CSMD1: variants seen among roughly 807,000 people sequenced by gnomAD.
The protein encoded by CSMD1 is CUB and Sushi multiple domains 1, also known as CUB and sushi domain-containing protein 1.
A neutral mutation model predicts 417.5 loss-of-function variants in CSMD1; 213 were observed. The ratio of observed to expected loss-of-function variants is 0.51; its 90% confidence interval spans 0.46 to 0.57. The LOEUF (loss-of-function observed/expected upper bound fraction) is 0.57. CSMD1 is among the 20% of genes least tolerant of loss of function. The pLI, the probability that CSMD1 is intolerant of heterozygous loss-of-function variation, is 0.00. For synonymous variants in CSMD1, 2,862 were observed against 1,736.8 expected (o/e 1.65, Z -16.11); for missense variants, 6,923 against 4,529.7 (o/e 1.53, Z -15.17).
intron 3 of CSMD1, among the ~76,000 whole-genome samples, chr8:4,410,393 T>C (rs1441399969): frequency 1.3e-5 from 2 of 152,200 alleles, no homozygotes; most frequent in South Asian, 2.1e-4. Context: ...CTTATCCACA[T>C]GTAAATATTT....
intron 5 of CSMD1, among the ~76,000 whole-genome samples, chr8:3,937,568 G>A (rs928292588): frequency 2.0e-4 from 31 of 152,238 alleles, no homozygotes; most frequent in African/African-American, 7.0e-4. Flanking sequence ...ACAGAATGCA[G>A]TGTCATGTAA....
chr8:4,923,442 T>G (rs1407975865), intron 1 of CSMD1, among the ~76,000 whole-genome samples: 1 of 152,234 alleles, frequency 6.6e-6, no homozygotes, highest in East Asian at 1.9e-4. Context: ...ACATTCTCCA[T>G]GGTGTGCTTA....
chr8:4,434,271 C>T (rs1585068294), intron 2 of CSMD1, among the ~76,000 whole-genome samples: 3 of 152,130 alleles, frequency 2.0e-5, no homozygotes, highest in East Asian at 1.9e-4. Context: ...GAGGCTGAGG[C>T]AAGAGAATTG....
At chr8:4,588,579 G>T (rs183445226) in intron 2 of CSMD1, among the ~76,000 whole-genome samples, 1 of 151,898 alleles carries the variant, frequency 6.6e-6, no homozygotes, top group African/African-American at 2.4e-5. Context: ...CGGATCAGCA[G>T]ATCGAGACCA....
At chr8:3,885,787 G>A (rs1442485562) in intron 5 of CSMD1, among the ~76,000 whole-genome samples, 4 of 152,122 alleles carry the variant, frequency 2.6e-5, no homozygotes, top group Admixed American at 1.3e-4. Context: ...ATGACAGAAA[G>A]CTGACTTTCT....
chr8:3,910,243 A>G (rs188246699), intron 5 of CSMD1, among the ~76,000 whole-genome samples: 3 of 152,208 alleles, frequency 2.0e-5, no homozygotes, highest in African/African-American at 7.2e-5. Context: ...GGTGGGGAGG[A>G]AAATATGTCA....
At chr8:3,550,448 G>C (rs941120721) in intron 10 of CSMD1, among the ~76,000 whole-genome samples, 1 of 152,164 alleles carries the variant, frequency 6.6e-6, no homozygotes, top group Non-Finnish European at 1.5e-5. Flanking sequence ...TCTTTTAAAA[G>C]TTTTTTAATT....
At chr8:4,517,944 A>G (rs1251535729) in intron 2 of CSMD1, among the ~76,000 whole-genome samples, 1 of 152,172 alleles carries the variant, frequency 6.6e-6, no homozygotes, top group Non-Finnish European at 1.5e-5. Flanking sequence ...TGTTTTAATG[A>G]ATTTCAGGTA....
intron 2 of CSMD1, among the ~76,000 whole-genome samples, chr8:4,545,017 G>T (rs546712785): frequency 6.6e-6 from 1 of 152,106 alleles, no homozygotes; most frequent in Non-Finnish European, 1.5e-5. Context: ...TATCACGCAC[G>T]TATCTGAATG....
intron 15 of CSMD1, 144 bp downstream of exon 15, chr8:3,405,883 T>C (rs575334712): frequency 8.7e-5 from 62 of 713,684 alleles, no homozygotes; most frequent in Non-Finnish European, 1.2e-4. Flanking sequence ...TGGGAGACTG[T>C]ACACTCCTGT....
chr8:3,803,727 T>G (rs906972790), intron 5 of CSMD1, among the ~76,000 whole-genome samples: 1 of 152,166 alleles, frequency 6.6e-6, no homozygotes, highest in Non-Finnish European at 1.5e-5. Context: ...AACTTCAGAT[T>G]GGAAGCCAGT....
chr8:2,973,663 GGA>G (rs765245282), intron 56 of CSMD1, among the ~76,000 whole-genome samples: 7 of 136,960 alleles, frequency 5.1e-5, no homozygotes, highest in South Asian at 2.3e-4. Context: ...GGGAATGTGG[GGA>G]AAAAAAAAAA....
chr8:3,131,577 T>C (rs1817796745), intron 41 of CSMD1, among the ~76,000 whole-genome samples: 1 of 151,624 alleles, frequency 6.6e-6, no homozygotes, highest in African/African-American at 2.4e-5. Context: ...GTTCAAGCAA[T>C]TCTCCTGCCT....
At chr8:3,231,387 G>A (rs537237086) in intron 26 of CSMD1, among the ~76,000 whole-genome samples, 1 of 152,220 alleles carries the variant, frequency 6.6e-6, no homozygotes, top group African/African-American at 2.4e-5. Flanking sequence ...AAAGAGATTA[G>A]TGTATTGTTC....
intron 2 of CSMD1, among the ~76,000 whole-genome samples, chr8:4,587,101 A>G (rs1799739350): frequency 6.6e-6 from 1 of 152,164 alleles, no homozygotes; most frequent in Non-Finnish European, 1.5e-5. Flanking sequence ...ACAATATCCT[A>G]CAGAGGCCAA....
At chr8:3,760,402 C>G (rs984988962) in intron 5 of CSMD1, among the ~76,000 whole-genome samples, 3 of 152,182 alleles carry the variant, frequency 2.0e-5, no homozygotes, top group African/African-American at 7.2e-5. Flanking sequence ...CTTACAGTTA[C>G]GACGACCTCC....
At chr8:4,648,056 T>C (rs6984533) in intron 1 of CSMD1, among the ~76,000 whole-genome samples, 2,194 of 152,312 alleles carry the variant, frequency 0.014, 55 homozygotes, top group African/African-American at 0.051. Flanking sequence ...TTTCTATTTC[T>C]CCACAGTCTC....
intron 5 of CSMD1, among the ~76,000 whole-genome samples, chr8:3,782,851 C>T (rs1271750664): frequency 6.6e-6 from 1 of 152,176 alleles, no homozygotes; most frequent in African/African-American, 2.4e-5. Flanking sequence ...GACTTTCTTG[C>T]CCTAGCTCGC....
chr8:4,886,242 G>A (rs751146002), intron 1 of CSMD1, among the ~76,000 whole-genome samples: 16 of 151,870 alleles, frequency 1.1e-4, no homozygotes, highest in Non-Finnish European at 5.9e-5. Context: ...CCACTGCCTC[G>A]GCCTCTCAAA....
Sources: gnomAD v4.1 joint callset for allele counts (sites outside exome capture counted in the v4.1 genomes callset) on GRCh38, gnomAD v4.1.1 for gene constraint, MANE v1.5 for transcripts, NCBI Gene and HGNC (gene_info 2026-07-23, HGNC 2026-07-21) for gene names.